The following CPS1 variants were observed in gnomAD, a reference collection of about 807,000 sequenced individuals.
CPS1 encodes carbamoyl-phosphate synthase [ammonia], mitochondrial.
CPS1 carries 109 observed loss-of-function variants against 174.6 expected under a neutral mutation model. That is an observed-to-expected ratio of 0.62 (90% CI 0.53 to 0.73). The LOEUF is 0.73. Ranked by LOEUF, CPS1 falls within the 30% of genes least tolerant of loss-of-function variation. The probability of loss-of-function intolerance (pLI) is 0.00; values close to 1 mark genes in which losing one functional copy is unlikely to be tolerated. For missense variants in CPS1, 1,689 were observed against 1,821.9 expected (o/e 0.93, Z 1.33); for synonymous variants, 637 against 632.0 (o/e 1.01, Z -0.12).
chr2:210,615,089 A>G (rs1245164675), intron 20 of CPS1, among the ~76,000 whole-genome samples: 1 of 151,928 alleles, frequency 6.6e-6, no homozygotes, highest in Non-Finnish European at 1.5e-5. Context: ...CCTTCCTTCC[A>G]GTGAAATGAC....
At chr2:210,676,745 C>T (rs748954917) in intron 36 of CPS1, among the ~76,000 whole-genome samples, 4 of 152,120 alleles carry the variant, frequency 2.6e-5, no homozygotes, top group South Asian at 2.1e-4. Flanking sequence ...ATTACCAATT[C>T]TTAATGAGTG....
chr2:210,605,057 A>T, intron 16 of CPS1, 45 bp from the exon 17 acceptor site: 1 of 1,609,100 alleles, frequency 6.2e-7, no homozygotes, highest in Non-Finnish European at 8.5e-7. Flanking sequence ...TGTTGAAGCC[A>T]GTGCTTTTTC....
At chr2:210,605,044 C>A (rs191135607) in intron 16 of CPS1, 58 bp from the exon 17 acceptor site, 1 of 1,601,716 alleles carries the variant, frequency 6.2e-7, no homozygotes, top group East Asian at 2.2e-5. Flanking sequence ...TGCCAAATAT[C>A]CTTGTTGAAG....
intron 1 of CPS1, among the ~76,000 whole-genome samples, chr2:210,563,946 C>T (rs1313709628): frequency 6.6e-6 from 1 of 152,124 alleles, no homozygotes; most frequent in Non-Finnish European, 1.5e-5. Context: ...AACATCTACC[C>T]TTTTAAACTG....
chr2:210,658,213 C>T, intron 30 of CPS1: 2 of 288,814 alleles, frequency 6.9e-6, no homozygotes, highest in Non-Finnish European at 1.3e-5. Flanking sequence ...ATTTCAGGGC[C>T]TGTACCTCCC....
chr2:210,654,896 C>A (rs1700660057), intron 29 of CPS1, among the ~76,000 whole-genome samples: 1 of 152,146 alleles, frequency 6.6e-6, no homozygotes, highest in Admixed American at 6.5e-5. Flanking sequence ...ATGGTATCTA[C>A]TTACAACAGA....
At chr2:210,509,819 G>A (rs1049367628) in intron 1 of CPS1, among the ~76,000 whole-genome samples, 1 of 152,032 alleles carries the variant, frequency 6.6e-6, no homozygotes, top group Admixed American at 6.6e-5. Flanking sequence ...AACTTACAAG[G>A]GATGTGAAGG....
intron 1 of CPS1, among the ~76,000 whole-genome samples, chr2:210,532,150 T>C (rs1471817909): frequency 1.3e-5 from 2 of 152,150 alleles, no homozygotes; most frequent in Non-Finnish European, 2.9e-5. Context: ...TTCATTAGTC[T>C]TGACCAGATC....
chr2:210,608,531 T>C lies in CPS1; in HGVS notation c.2363T>C (p.Ile788Thr). 2.5e-6 allele frequency: 4 copies of C among 1,612,084 alleles called. No homozygotes were observed. The highest frequency in any genetic ancestry group is 3.4e-6 in the Non-Finnish European group (4 of 1,178,670). ...LDRFHGTSSR[I>T]GSSMKSVGEV... ...CGTTTTCATGGAACATCTAGCCGAA[T>C]TGGTAGCTCTATGAAAAGTGTAGGA... Residue 788 changes from isoleucine (I) to threonine (T), a missense_variant, in exon 19 of 38, where the codon ATT (isoleucine) becomes ACT (threonine). Transcript: ENST00000233072.
intron 1 of CPS1, among the ~76,000 whole-genome samples, chr2:210,486,938 TG>T (rs1694746252): frequency 6.6e-6 from 1 of 151,920 alleles, no homozygotes; most frequent in South Asian, 2.1e-4. Flanking sequence ...ATTTCTACCT[TG>T]AGTTTGTTTC....
At chr2:210,577,211 G>A in intron 3 of CPS1, 1 of 584,948 alleles carries the variant, frequency 1.7e-6, no homozygotes, top group Non-Finnish European at 3.0e-6. Flanking sequence ...ACCAAGCCAG[G>A]TAAGCCTGCT....
At chr2:210,587,513 G>A (rs1324089433) in intron 6 of CPS1, among the ~76,000 whole-genome samples, 2 of 152,008 alleles carry the variant, frequency 1.3e-5, no homozygotes, top group East Asian at 3.9e-4. Context: ...CAATTGCACG[G>A]CAACCTAAAG....
In CPS1 at chr2:210,606,809, T is replaced by C; in HGVS notation, c.2060T>C (p.Val687Ala). 5.0e-6 allele frequency: 8 copies of C among 1,612,672 alleles called. No individual in the cohort carries two copies. The highest frequency in any genetic ancestry group is 5.9e-6 in the Non-Finnish European group (7 of 1,179,118). Residue 687 changes from valine to alanine, a missense_variant, in exon 18 of 38, where the codon GTT becomes GCT. By Grantham distance (64) the Val-to-Ala change is moderately conservative. Transcript: ENST00000233072. ...FQMLRRTSIN[V>A]VRHLGIVGEC... is the part of the protein sequence containing the mutation. ...ATGTTGAGACGTACTTCAATCAATG[T>C]TGTTCGCCACTTGGGCATTGTGGGT...
chr2:210,519,983 A>G (rs953249204), intron 1 of CPS1, among the ~76,000 whole-genome samples: 7 of 151,912 alleles, frequency 4.6e-5, no homozygotes, highest in African/African-American at 1.7e-4. Context: ...GCTTATTGTT[A>G]TATTCCTCAG....
At chr2:210,496,001 T>G (rs1189683934) in intron 1 of CPS1, among the ~76,000 whole-genome samples, 1 of 152,068 alleles carries the variant, frequency 6.6e-6, no homozygotes, top group Non-Finnish European at 1.5e-5. Flanking sequence ...GTGTTCTTCC[T>G]TCCTTGCTGC....
chr2:210,490,448 C>A (rs188342249), intron 1 of CPS1, among the ~76,000 whole-genome samples: 1 of 152,260 alleles, frequency 6.6e-6, no homozygotes, highest in Non-Finnish European at 1.5e-5. Context: ...TAAGTATGTA[C>A]CAAGTGATTT....
intron 1 of CPS1, among the ~76,000 whole-genome samples, chr2:210,535,127 T>TAG (rs1404813091): frequency 6.6e-6 from 1 of 152,212 alleles, no homozygotes; most frequent in Non-Finnish European, 1.5e-5. Flanking sequence ...TCATGGCTAC[T>TAG]TTCTGTGCAG....
chr2:210,543,309 A>G (rs560454080), intron 1 of CPS1, among the ~76,000 whole-genome samples: 1 of 152,226 alleles, frequency 6.6e-6, no homozygotes, highest in African/African-American at 2.4e-5. Flanking sequence ...ATGGCAAATC[A>G]ATATGTTAAC....
chr2:210,535,992 G>A (rs1377329994), intron 1 of CPS1, among the ~76,000 whole-genome samples: 2 of 151,976 alleles, frequency 1.3e-5, no homozygotes, highest in Non-Finnish European at 2.9e-5. Context: ...TCTCAGATGA[G>A]AAAACTTATT....
Sources: allele counts gnomAD v4.1 joint callset (sites outside exome capture counted in the v4.1 genomes callset), GRCh38; gene constraint gnomAD v4.1.1; transcripts MANE v1.5; gene names NCBI Gene and HGNC (gene_info 2026-07-23, HGNC 2026-07-21).